Variants in HDAC9 observed in about 807,000 individuals in gnomAD.
HDAC9 encodes the protein histone deacetylase 9.
HDAC9 carries 41 observed loss-of-function variants against 139.4 expected under a neutral mutation model. That is an observed-to-expected ratio of 0.29 (90% confidence interval 0.23 to 0.38). HDAC9 has a LOEUF of 0.38. HDAC9 is among the 10% of genes least tolerant of loss of function. The probability of loss-of-function intolerance (pLI) is 1.00; values close to 1 mark genes in which losing one functional copy is unlikely to be tolerated. For synonymous variants in HDAC9, 517 were observed against 476.2 expected (o/e 1.09, Z -1.12); for missense variants, 1,147 against 1,297.0 (o/e 0.88, Z 1.78).
rs146563493 is a variant in HDAC9, at chr7:18,162,666, C to A, written c.25+317C>A. On this transcript the variant is annotated intron_variant, in intron 2 of 12. Transcript: ENST00000417496. ...CTATTATATAGGAATCCATTTTTCA[C>A]CTGTAATCTTTCTGTCCTAACATGT... 3 of 277,434 alleles carry A rather than the reference C, an allele frequency of 1.1e-5. No homozygotes were observed. The East Asian group carries it at 2.8e-4, about 26-fold the overall frequency. The allele number at this position is 277,434 out of a possible 1,614,324, so 17.2% of individuals were successfully genotyped here. A position where few individuals can be genotyped will look rare whatever the true frequency, so the allele number is the denominator to read the frequency against.
At chr7:18,944,770 A>C (rs1303653545) in intron 23 of HDAC9, among the ~76,000 whole-genome samples, 1 of 152,062 alleles carries the variant, frequency 6.6e-6, no homozygotes, top group Non-Finnish European at 1.5e-5. Context: ...ACTATATTTT[A>C]ATTTGTAGCT....
At chr7:18,109,446 C>T (rs1011307038) in intron 1 of HDAC9, among the ~76,000 whole-genome samples, 2 of 151,996 alleles carry the variant, frequency 1.3e-5, no homozygotes, top group African/African-American at 4.8e-5. Context: ...GCAGTGTTTC[C>T]TAAAGTAGAT....
intron 2 of HDAC9, among the ~76,000 whole-genome samples, chr7:18,190,011 C>G (rs2128149209): frequency 6.6e-6 from 1 of 152,232 alleles, no homozygotes; most frequent in Middle Eastern, 3.4e-3. Flanking sequence ...ACGATCTCAG[C>G]TCACTGCAAC....
At position 18,688,225 on chromosome 7, in the gene HDAC9, G is replaced by A. The variant is rs542646278; in HGVS notation, c.1731+21749G>A. Among the ~76,000 whole-genome samples the A allele has an allele frequency of 2.3e-4, 35 of 151,846 alleles. 2 individuals carry two copies. Among genetic ancestry groups the A allele is most frequent in the African/African-American group, 8.4e-4 (35 of 41,478 alleles). On this transcript the variant is annotated intron_variant, in intron 12 of 25. Coordinates refer to ENST00000686413, the MANE Select transcript of HDAC9 (RefSeq NM_178425.4). ...AGGATTTCAAAAGCAATATCATAAA[G>A]AATAATATTCTCAGAGAGCAAGAAA...
chr7:18,703,517 G>A (rs1247273261), intron 12 of HDAC9, among the ~76,000 whole-genome samples: 1 of 152,132 alleles, frequency 6.6e-6, no homozygotes, highest in Non-Finnish European at 1.5e-5. Flanking sequence ...AATCTGGTTT[G>A]CACTTCTGTC....
intron 1 of HDAC9, among the ~76,000 whole-genome samples, chr7:18,129,538 G>A (rs1784878989): frequency 6.6e-6 from 1 of 152,070 alleles, no homozygotes; most frequent in Admixed American, 6.6e-5. Flanking sequence ...ATTCTGTCCA[G>A]TTTTTAATAC....
At chr7:18,260,681 G>C (rs1451457351) in intron 2 of HDAC9, 1 of 154,256 alleles carries the variant, frequency 6.5e-6, no homozygotes, top group African/African-American at 2.4e-5. Flanking sequence ...AACTCTTACT[G>C]TCTGTAGTGG....
rs578172025 is a variant in HDAC9 at position 18,268,770 on chromosome 7, A to G, written c.25+106421A>G. ...CTGGTATTTGATGTTTTATGTAATG[A>G]GGTATTTACTGATGGGCTACTTTGA... On this transcript the variant is annotated intron_variant, in intron 2 of 12. Transcript: ENST00000417496. Among the ~76,000 whole-genome samples the G allele has an allele frequency of 3.9e-5, 6 of 152,266 alleles. No individual in the cohort carries two copies. The South Asian group carries it at 1.0e-3, about 26-fold the overall frequency.
chr7:18,762,877 T>C (rs942929481), intron 15 of HDAC9, among the ~76,000 whole-genome samples: 1 of 152,218 alleles, frequency 6.6e-6, no homozygotes, highest in African/African-American at 2.4e-5. Flanking sequence ...CGTCAGATTT[T>C]AAAATAAAAT....
At chr7:18,577,250 C>T (rs1035150645) in intron 2 of HDAC9, among the ~76,000 whole-genome samples, 1 of 152,214 alleles carries the variant, frequency 6.6e-6, no homozygotes, top group South Asian at 2.1e-4. Context: ...ACCAAGTCTC[C>T]TGCCTACCTT....
At chr7:18,657,993 G>A (rs1397426040) in intron 11 of HDAC9, among the ~76,000 whole-genome samples, 1 of 152,008 alleles carries the variant, frequency 6.6e-6, no homozygotes, top group African/African-American at 2.4e-5. Context: ...TCCAGGAGCT[G>A]CGCCAGCCAC....
In HDAC9 at chr7:18,954,146, C is replaced by T; in HGVS notation, c.2938C>T (p.Leu980=). The T allele has an allele frequency of 6.4e-7, 1 of 1,555,358 alleles. No homozygotes were observed. The highest frequency in any genetic ancestry group is 1.2e-5 in the South Asian group (1 of 84,930). The change falls in exon 24 of 26, where the codon CTG becomes TTG. Residue 980 remains leucine, a splice_region_variant and synonymous_variant. Transcript: ENST00000686413. ...ATACTATTATCTACTATTCTTGCAG[C>T]TGGAGCCACTTGCAGAAGATATTCT... ...ACVNALLGNE[L]EPLAEDILHQ...
chr7:18,895,643 A>G (rs1801124612), intron 22 of HDAC9, among the ~76,000 whole-genome samples: 1 of 152,126 alleles, frequency 6.6e-6, no homozygotes, highest in African/African-American at 2.4e-5. Flanking sequence ...TTATGAAAGA[A>G]GAAAGTTTTG....
At chr7:18,447,711 G>A (rs1792424495) in intron 1 of HDAC9, among the ~76,000 whole-genome samples, 1 of 152,172 alleles carries the variant, frequency 6.6e-6, no homozygotes, top group Non-Finnish European at 1.5e-5. Context: ...ATAGTTAACT[G>A]TCATATACAT....
chr7:18,515,009 T>C (rs1417390106), intron 2 of HDAC9, among the ~76,000 whole-genome samples: 1 of 152,232 alleles, frequency 6.6e-6, no homozygotes, highest in Non-Finnish European at 1.5e-5. Flanking sequence ...TATTTTGGGA[T>C]AAGTACTACA....
At chr7:18,748,932 A>G in intron 13 of HDAC9, 73 bp from the exon 14 acceptor site, 4 of 1,376,046 alleles carry the variant, frequency 2.9e-6, no homozygotes, top group African/African-American at 2.9e-5. Flanking sequence ...TGGAGTTATC[A>G]TATTATCTCC....
chr7:18,138,648 C>A (rs1389350498), intron 1 of HDAC9, among the ~76,000 whole-genome samples: 1 of 151,790 alleles, frequency 6.6e-6, no homozygotes, highest in South Asian at 2.1e-4. Context: ...GGGCAGGCTG[C>A]AACCTTTCTA....
chr7:18,924,676 A>T (rs1467502369), intron 22 of HDAC9, among the ~76,000 whole-genome samples: 1 of 152,120 alleles, frequency 6.6e-6, no homozygotes, highest in Non-Finnish European at 1.5e-5. Context: ...AAGATGAATG[A>T]TCATCTGTTT....
chr7:18,521,452 A>C (rs1354674333), intron 2 of HDAC9, among the ~76,000 whole-genome samples: 1 of 152,162 alleles, frequency 6.6e-6, no homozygotes, highest in Non-Finnish European at 1.5e-5. Flanking sequence ...GATCATTTAC[A>C]CAGAATTTGT....
Sources: gnomAD v4.1 joint callset for allele counts (sites outside exome capture counted in the v4.1 genomes callset) on GRCh38, gnomAD v4.1.1 for gene constraint, MANE v1.5 for transcripts, NCBI Gene and HGNC (gene_info 2026-07-23, HGNC 2026-07-21) for gene names.